CFLAR: variants seen among roughly 807,000 people sequenced by gnomAD.
CFLAR encodes the protein CASP8 and FADD-like apoptosis regulator.
In CFLAR, 14 loss-of-function variants were observed where a neutral mutation model predicts 51.1. The observed-to-expected ratio is 0.27, with a 90% CI of 0.18 to 0.43. The LOEUF (loss-of-function observed/expected upper bound fraction) is 0.43, where lower values mean the gene tolerates loss of function less well. Ranked by LOEUF, CFLAR falls within the 20% of genes least tolerant of loss-of-function variation. The pLI, the probability that CFLAR is intolerant of heterozygous loss-of-function variation, is 1.00. For synonymous variants in CFLAR, 210 were observed against 211.6 expected (o/e 0.99, Z 0.06); for missense variants, 390 against 566.5 (o/e 0.69, Z 3.16).
At chr2:201,140,202 C>G (rs554116060) in intron 4 of CFLAR, 155 bp from the exon 5 acceptor site, 13 of 840,490 alleles carry the variant, frequency 1.5e-5, no homozygotes, top group Admixed American at 3.4e-5. Context: ...GATGTTTGGT[C>G]GAAGAGTCAT....
intron 1 of CFLAR, among the ~76,000 whole-genome samples, chr2:201,123,893 G>A (rs188526808): frequency 6.6e-6 from 1 of 152,306 alleles, no homozygotes; most frequent in East Asian, 1.9e-4. Flanking sequence ...TTTGTTTCAT[G>A]TTCATATCTC....
At chr2:201,125,297 T>G (rs922714373) in intron 1 of CFLAR, among the ~76,000 whole-genome samples, 1 of 152,094 alleles carries the variant, frequency 6.6e-6, no homozygotes, top group Non-Finnish European at 1.5e-5. Context: ...TTGAAGAAAC[T>G]GAAGCACTGA....
intron 2 of CFLAR, among the ~76,000 whole-genome samples, chr2:201,130,752 C>T (rs79511585): frequency 2.0e-5 from 3 of 152,078 alleles, no homozygotes; most frequent in African/African-American, 4.8e-5. Context: ...AATGACAAGA[C>T]GTGAAGAAAG....
intron 6 of CFLAR, chr2:201,146,765 A>G (rs1028435031): frequency 1.3e-5 from 2 of 152,196 alleles, no homozygotes; most frequent in African/African-American, 4.8e-5. Context: ...GGACATCATG[A>G]ATGTTTTGAG....
chr2:201,145,282 G>T, intron 5 of CFLAR, 96 bp from the exon 6 acceptor site: 1 of 684,762 alleles, frequency 1.5e-6, no homozygotes, highest in South Asian at 2.0e-5. Flanking sequence ...TTTTTCCTGA[G>T]TTAAGAATCC....
At chr2:201,155,520 T>A (rs528978736) in intron 8 of CFLAR, among the ~76,000 whole-genome samples, 5 of 152,272 alleles carry the variant, frequency 3.3e-5, no homozygotes, top group African/African-American at 1.2e-4. Context: ...CGCCTCGGCC[T>A]CCCAAAGTGC....
Position 201,138,531 on chromosome 2 carries a change from C to T in CFLAR, c.524-1826C>T. 1 of 1,562,394 alleles carries T rather than the reference C, an allele frequency of 6.4e-7. No homozygotes were observed. The highest frequency in any genetic ancestry group is 1.1e-5 in the South Asian group (1 of 90,258). On this transcript the variant is annotated intron_variant, in intron 4 of 9. Coordinates refer to ENST00000309955, the MANE Select transcript of CFLAR (RefSeq NM_003879.7). The surrounding 1 kb of genome is among the most constrained non-coding windows in gnomAD (Gnocchi z 4.0). Reference sequence around the variant, plus strand: ...CTTGATCCTTGGCATCATCACCTCACTGAGGAGGGTGGTGTGGTCCTTCTC... The same window carrying T: ...CTTGATCCTTGGCATCATCACCTCATTGAGGAGGGTGGTGTGGTCCTTCTC...
intron 8 of CFLAR, among the ~76,000 whole-genome samples, chr2:201,158,885 T>TGA (rs1359446293): frequency 6.7e-6 from 1 of 148,814 alleles, no homozygotes; most frequent in African/African-American, 2.4e-5. Context: ...TTATTATTAT[T>TGA]ATTTGAATTT....
intron 6 of CFLAR, chr2:201,146,527 C>T (rs1364674172): frequency 6.6e-6 from 1 of 152,240 alleles, no homozygotes; most frequent in African/African-American, 2.4e-5. Flanking sequence ...AAGTAATCCA[C>T]CACCTTGGCC....
At chr2:201,152,169 AT>A (rs916623056) in intron 8 of CFLAR, among the ~76,000 whole-genome samples, 2 of 151,718 alleles carry the variant, frequency 1.3e-5, no homozygotes, top group Non-Finnish European at 2.9e-5. Context: ...AATTTTTTGT[AT>A]TTTTAGTAGA....
At chr2:201,129,619 T>C (rs1351116371) in intron 1 of CFLAR, 110 bp from the exon 2 acceptor site, 3 of 509,830 alleles carry the variant, frequency 5.9e-6, no homozygotes, top group African/African-American at 5.7e-5. Context: ...TCTATAGAAC[T>C]TAATCTACTT....
chr2:201,127,568 C>A (rs762524900), intron 1 of CFLAR, among the ~76,000 whole-genome samples: 1 of 152,084 alleles, frequency 6.6e-6, no homozygotes, highest in African/African-American at 2.4e-5. Flanking sequence ...GGCTTAAACC[C>A]CAACAAAGTG....
At chr2:201,157,579 A>G (rs1373473784) in intron 8 of CFLAR, among the ~76,000 whole-genome samples, 1 of 150,710 alleles carries the variant, frequency 6.6e-6, no homozygotes, top group African/African-American at 2.5e-5. Flanking sequence ...GTTCCCTGTG[A>G]TGCCCAGGGT....
chr2:201,138,046 A>G lies in CFLAR; in HGVS notation c.523+1939A>G. ...ACAGCAGTGCCCTGGGGCTGACTGCAGGCTATCACTTCCTGGTTGATGTAG... is the reference window on the plus strand; with the variant it reads ...ACAGCAGTGCCCTGGGGCTGACTGCGGGCTATCACTTCCTGGTTGATGTAG... On this transcript the variant is annotated intron_variant, in intron 4 of 9. Transcript: ENST00000309955. This position sits in a 1 kb window ranked among gnomAD's most constrained non-coding sequence, Gnocchi z 4.0. 1.4e-6 allele frequency: 1 copy of G among 723,682 alleles called. No individual in the cohort carries two copies. The highest frequency in any genetic ancestry group is 2.6e-6 in the Non-Finnish European group (1 of 390,242). 44.8% of individuals were successfully genotyped at this position (723,682 alleles called of 1,614,324 possible). A position where few individuals can be genotyped will look rare whatever the true frequency, so the allele number is the denominator to read the frequency against.
intron 8 of CFLAR, chr2:201,150,347 AT>A: frequency 6.6e-6 from 1 of 151,406 alleles, no homozygotes; most frequent in Non-Finnish European, 1.5e-5. Context: ...AAAAAAAAAA[AT>A]TAGCTGGTGT....
At chr2:201,141,401 G>T in intron 5 of CFLAR, 2 of 1,559,556 alleles carry the variant, frequency 1.3e-6, no homozygotes, top group South Asian at 2.4e-5. Flanking sequence ...CCATTGTCCT[G>T]ATCTGAAAAT....
In CFLAR at chr2:201,138,418, A is replaced by T. The variant is rs1374967413; in HGVS notation, c.524-1939A>T. ...TGATAATGGCCACCAGCTCATCGCG[A>T]TCATTGACGATAGGCAGCTTCCTTT... On this transcript the variant is annotated intron_variant, in intron 4 of 9. Coordinates refer to ENST00000309955, the MANE Select transcript of CFLAR (RefSeq NM_003879.7). This position sits in a 1 kb window ranked among gnomAD's most constrained non-coding sequence, Gnocchi z 4.0. The T allele has an allele frequency of 3.8e-6, 3 of 795,194 alleles. No homozygotes were observed. The highest frequency in any genetic ancestry group is 2.4e-5 in the East Asian group (1 of 41,232). The allele number at this position is 795,194 out of a possible 1,614,324, so 49.3% of individuals were successfully genotyped here. A position where few individuals can be genotyped will look rare whatever the true frequency, so the allele number is the denominator to read the frequency against.
intron 1 of CFLAR, among the ~76,000 whole-genome samples, chr2:201,127,612 A>T (rs1284829168): frequency 2.0e-5 from 3 of 152,174 alleles, no homozygotes; most frequent in African/African-American, 7.2e-5. Context: ...ACCTCTCCCT[A>T]GTATGCTCTC....
chr2:201,158,067 G>C (rs1942467445), intron 8 of CFLAR, among the ~76,000 whole-genome samples: 1 of 152,322 alleles, frequency 6.6e-6, no homozygotes, highest in East Asian at 1.9e-4. Flanking sequence ...TTTTAGGTAA[G>C]GATTTTCTGC....
Sources: gnomAD v4.1 joint callset for allele counts (sites outside exome capture counted in the v4.1 genomes callset) on GRCh38, gnomAD v4.1.1 for gene constraint, Gnocchi (gnomAD v3.1) non-coding constraint, MANE v1.5 for transcripts, NCBI Gene and HGNC (gene_info 2026-07-23, HGNC 2026-07-21) for gene names.